The following INTU variants were observed in gnomAD, a reference collection of about 807,000 sequenced individuals.
The protein encoded by INTU is inturned planar cell polarity protein.
Under a neutral mutation model 100.5 loss-of-function variants are expected in INTU, and 68 were observed. The observed-to-expected ratio is 0.68, with a 90% CI of 0.56 to 0.83. The LOEUF (loss-of-function observed/expected upper bound fraction) is 0.83. INTU is among the 40% of genes least tolerant of loss of function. The probability of loss-of-function intolerance (pLI) is 0.00; values close to 1 mark genes in which losing one functional copy is unlikely to be tolerated. For synonymous variants in INTU, 357 were observed against 395.7 expected (o/e 0.90, Z 1.16); for missense variants, 1,071 against 1,114.7 (o/e 0.96, Z 0.56).
intron 1 of INTU, among the ~76,000 whole-genome samples, chr4:127,636,034 C>T (rs926264273): frequency 2.0e-5 from 3 of 151,946 alleles, no homozygotes; most frequent in African/African-American, 2.4e-5. Context: ...TGGGAGCCAA[C>T]GCAGGAGCAT....
chr4:127,651,470 T>C (rs1336538811), intron 2 of INTU, among the ~76,000 whole-genome samples: 1 of 152,246 alleles, frequency 6.6e-6, no homozygotes, highest in Non-Finnish European at 1.5e-5. Context: ...ATTTATTAAA[T>C]AGGGAATCCT....
rs781139885 is a variant in INTU at position 127,643,677 on chromosome 4, C to G, written c.303C>G (p.Tyr101Ter). The change falls in exon 2 of 16, where the codon TAC becomes TAG. Residue 101 changes from tyrosine (Y) to a stop codon, truncating the protein, a stop_gained. Transcript: ENST00000335251. LOFTEE classifies it high-confidence loss of function. ...SENEIIIEDD[Y>*]KERKKYEPKL... ...ATGAGATTATCATTGAAGATGACTA[C>G]AAAGAAAGAAAAAAGTATGAACCCA... The G allele has an allele frequency of 5.0e-6, 8 of 1,611,986 alleles. No individual in the cohort carries two copies. The South Asian group carries it at 8.8e-5, about 18-fold the overall frequency.
At chr4:127,666,408 C>T (rs913854240) in intron 4 of INTU, among the ~76,000 whole-genome samples, 8 of 152,140 alleles carry the variant, frequency 5.3e-5, no homozygotes, top group African/African-American at 1.9e-4. Context: ...TGAGGGGATG[C>T]TCTCCTCCAG....
Position 127,690,295 on chromosome 4 carries a change from T to C in INTU, c.1449+2428T>C, listed in dbSNP as rs548913191. On this transcript the variant is annotated intron_variant, in intron 8 of 15. Transcript: ENST00000335251. ...AGAATATCAAATTAAGAAATCACTG[T>C]GTGAATTCTGGTATACATTTTTAAT... Among the ~76,000 whole-genome samples, 44 of 152,336 alleles carry C rather than the reference T, an allele frequency of 2.9e-4. No individual in the cohort carries two copies. The South Asian group carries it at 8.5e-3, about 29-fold the overall frequency.
chr4:127,696,920 A>G (rs1730417902), intron 8 of INTU, among the ~76,000 whole-genome samples: 1 of 152,150 alleles, frequency 6.6e-6, no homozygotes, highest in South Asian at 2.1e-4. Context: ...TTCACTTTAT[A>G]CTGAAACATT....
rs763050553 is a variant in INTU at position 127,725,132 on chromosome 4, T to TAAA, written c.*8719_*8721dup. The TAAA allele has an allele frequency of 5.0e-5, 4 of 79,348 alleles. No homozygotes were observed. The highest frequency in any genetic ancestry group is 5.4e-5 in the Non-Finnish European group (2 of 37,002). 4.9% of individuals were successfully genotyped at this position (79,348 alleles called of 1,614,324 possible). A position where few individuals can be genotyped will look rare whatever the true frequency, so the allele number is the denominator to read the frequency against. On this transcript the variant is annotated 3_prime_UTR_variant, in exon 16 of 16. Transcript: ENST00000335251. ...GAAACCCTGTCTCTACTAAAAATAC[T>TAAA]AAAAAAAAAAAAAAAAAAAAAAAAA...
Position 127,701,940 on chromosome 4 carries a change from A to G in INTU, c.1503+1877A>G, listed in dbSNP as rs140205092. Among the ~76,000 whole-genome samples, 827 of 152,282 alleles carry G rather than the reference A, an allele frequency of 5.4e-3. 6 individuals are homozygous for G. The highest frequency in any genetic ancestry group is 0.02 in the Middle Eastern group (6 of 294). ...GAAGGGTGTTTTGTCTGTAAAAATA[A>G]TAGAAATTTAGGGATGGTAAACTCT... On this transcript the variant is annotated intron_variant, in intron 9 of 15. Coordinates refer to ENST00000335251, the MANE Select transcript of INTU (RefSeq NM_015693.4).
rs181606726 is a variant in INTU, at chr4:127,688,872, A to G, written c.1449+1005A>G. Reference sequence around the variant, plus strand: ...TTCAAAAGATGCTTTGCCTTCTGGTATTTTTTTTGTCCTTAGCTCTATCAA... The same window carrying G: ...TTCAAAAGATGCTTTGCCTTCTGGTGTTTTTTTTGTCCTTAGCTCTATCAA... On this transcript the variant is annotated intron_variant, in intron 8 of 15. Coordinates refer to ENST00000335251, the MANE Select transcript of INTU (RefSeq NM_015693.4). Among the ~76,000 whole-genome samples, 991 of 148,198 alleles carry G rather than the reference A, an allele frequency of 6.7e-3. 7 individuals carry two copies. Among genetic ancestry groups the G allele is most frequent in the Middle Eastern group, 0.021 (6 of 282 alleles).
chr4:127,681,962 T>G (rs1436561425), intron 6 of INTU, among the ~76,000 whole-genome samples: 3 of 151,924 alleles, frequency 2.0e-5, no homozygotes, highest in Non-Finnish European at 4.4e-5. Context: ...CAGATACTTC[T>G]CAAAAGAAGA....
intron 2 of INTU, among the ~76,000 whole-genome samples, chr4:127,653,065 A>G (rs1727978330): frequency 6.6e-6 from 1 of 151,542 alleles, no homozygotes; most frequent in Non-Finnish European, 1.5e-5. Context: ...ATCGGTGGTG[A>G]TATCTCCTTT....
At chr4:127,688,050 G>A (rs1489698191) in intron 8 of INTU, among the ~76,000 whole-genome samples, 183 bp downstream of exon 8, 1 of 152,124 alleles carries the variant, frequency 6.6e-6, no homozygotes, top group Non-Finnish European at 1.5e-5. Flanking sequence ...TCCTTTATAA[G>A]TAGAAATTAG....
At chr4:127,655,661 T>C (rs994742177) in intron 2 of INTU, among the ~76,000 whole-genome samples, 2 of 150,968 alleles carry the variant, frequency 1.3e-5, no homozygotes. Context: ...CTGCAGAGGT[T>C]ACTGCTGTCT....
intron 1 of INTU, among the ~76,000 whole-genome samples, chr4:127,641,111 G>T (rs769499832): frequency 1.3e-5 from 2 of 151,670 alleles, no homozygotes. Flanking sequence ...TTCTACTATT[G>T]CTTTATTTGT....
At position 127,723,797 on chromosome 4, in the gene INTU, T is replaced by TC. The variant is rs1040503207; in HGVS notation, c.*7363dup. ...CCAGCCTGAGCAACATAGCAAAAAC[T>TC]CCATCTCTACAAAAACACCAAAATT... On this transcript the variant is annotated 3_prime_UTR_variant, in exon 16 of 16. Coordinates refer to ENST00000335251, the MANE Select transcript of INTU (RefSeq NM_015693.4). The TC allele has an allele frequency of 9.3e-5, 14 of 151,180 alleles. No homozygotes were observed. The highest frequency in any genetic ancestry group is 3.4e-4 in the African/African-American group (14 of 41,212). 9.4% of individuals were successfully genotyped at this position (151,180 alleles called of 1,614,324 possible).
intron 13 of INTU, among the ~76,000 whole-genome samples, chr4:127,709,991 T>C (rs867555636): frequency 6.6e-6 from 1 of 152,156 alleles, no homozygotes; most frequent in Non-Finnish European, 1.5e-5. Context: ...AACCAAACCT[T>C]TTATGGAACC....
intron 1 of INTU, among the ~76,000 whole-genome samples, chr4:127,640,544 T>TAC (rs1727269723): frequency 2.8e-4 from 1 of 3,572 alleles, no homozygotes; most frequent in African/African-American, 5.1e-4. Flanking sequence ...TAAAGATACA[T>TAC]ATATATATAT....
intron 2 of INTU, among the ~76,000 whole-genome samples, chr4:127,654,480 G>A (rs1728077542): frequency 6.6e-6 from 1 of 152,150 alleles, no homozygotes. Flanking sequence ...CTTTGCTTAT[G>A]AAGCTTAGTT....
At chr4:127,658,204 G>A (rs982068922) in intron 3 of INTU, among the ~76,000 whole-genome samples, 11 of 152,182 alleles carry the variant, frequency 7.2e-5, no homozygotes, top group East Asian at 3.8e-4. Context: ...GTATGTGTGC[G>A]CATGCACACA....
chr4:127,668,777 A>T (rs2126206318), intron 4 of INTU, among the ~76,000 whole-genome samples: 1 of 151,960 alleles, frequency 6.6e-6, no homozygotes, highest in Non-Finnish European at 1.5e-5. Context: ...ATGTAAATTA[A>T]TCAGTATCCT....
Sources: allele counts gnomAD v4.1 joint callset (sites outside exome capture counted in the v4.1 genomes callset), GRCh38; gene constraint gnomAD v4.1.1; transcripts MANE v1.5; gene names NCBI Gene and HGNC (gene_info 2026-07-23, HGNC 2026-07-21).